The following LRP1B variants were observed in gnomAD, a reference collection of about 807,000 sequenced individuals.
LRP1B encodes the protein low-density lipoprotein receptor-related protein 1B.
Under a neutral mutation model 556.6 loss-of-function variants are expected in LRP1B, and 217 were observed. The ratio of observed to expected loss-of-function variants is 0.39; its 90% CI spans 0.35 to 0.44. The LOEUF is 0.44. LRP1B is among the 20% of genes least tolerant of loss of function. LRP1B has a pLI of 1.00. For synonymous variants in LRP1B, 2,047 were observed against 1,865.8 expected (o/e 1.10, Z -2.50); for missense variants, 5,053 against 5,620.8 (o/e 0.90, Z 3.23).
chr2:141,608,812 T>C (rs1688009749), intron 2 of LRP1B, among the ~76,000 whole-genome samples: 1 of 152,218 alleles, frequency 6.6e-6, no homozygotes, highest in Admixed American at 6.5e-5. Context: ...ATGCTTCAGT[T>C]GATTTTGCTA....
intron 7 of LRP1B, among the ~76,000 whole-genome samples, chr2:141,065,133 T>G (rs1403381363): frequency 6.6e-6 from 1 of 151,918 alleles, no homozygotes; most frequent in East Asian, 1.9e-4. Flanking sequence ...TTTTTAAGAA[T>G]AGTAGAATGG....
Position 140,886,121 on chromosome 2 carries a change from A to T in LRP1B, c.3964+17T>A. The T allele has an allele frequency of 6.8e-7, 1 of 1,467,484 alleles. No individual in the cohort carries two copies. The highest frequency in any genetic ancestry group is 9.2e-7 in the Non-Finnish European group (1 of 1,084,512). The allele number at this position is 1,467,484 out of a possible 1,614,324, so 90.9% of individuals were successfully genotyped here. On this transcript the variant is annotated intron_variant, in intron 24 of 90. Coordinates refer to ENST00000389484, the MANE Select transcript of LRP1B (RefSeq NM_018557.3). ...AAAAAGTAATCTAAACATTAAGAAA[A>T]ATTATAATATATGTACCTCCACTTT...
At chr2:140,674,031 C>T (rs963496428) in intron 41 of LRP1B, among the ~76,000 whole-genome samples, 3 of 151,634 alleles carry the variant, frequency 2.0e-5, no homozygotes, top group Non-Finnish European at 4.4e-5. Context: ...TCACTGCAAC[C>T]TCTGCCTCCT....
At chr2:142,015,311 C>T (rs551619610) in intron 1 of LRP1B, among the ~76,000 whole-genome samples, 1 of 152,096 alleles carries the variant, frequency 6.6e-6, no homozygotes, top group Admixed American at 6.5e-5. Flanking sequence ...GGGAAATTGG[C>T]TAGCGATATG....
rs751850739 is a variant in LRP1B, at chr2:140,370,794, T to C, written c.10924A>G (p.Lys3642Glu). The C allele has an allele frequency of 1.2e-6, 2 of 1,612,862 alleles. No homozygotes were observed. Among genetic ancestry groups the C allele is most frequent in the Admixed American group, 3.3e-5 (2 of 59,884 alleles). ...CATCTAATTGGAATACAGTGGGCTT[T>C]ATTTTTGCACCGAAACTGATCTTCC... ...CKEDQFRCKN[K>E]AHCIPIRWLC... The change falls in exon 71 of 91, where the codon AAA becomes GAA. Residue 3642 changes from lysine (K) to glutamate (E), a missense_variant. Transcript: ENST00000389484.
At chr2:140,885,130 C>G (rs1388418206) in intron 24 of LRP1B, among the ~76,000 whole-genome samples, 1 of 152,132 alleles carries the variant, frequency 6.6e-6, no homozygotes, top group East Asian at 1.9e-4. Context: ...TATGAAGTAG[C>G]TAACCAATTA....
intron 7 of LRP1B, among the ~76,000 whole-genome samples, chr2:141,085,194 GACAA>G (rs1189946834): frequency 6.6e-6 from 1 of 152,014 alleles, no homozygotes; most frequent in Admixed American, 6.6e-5. Flanking sequence ...CACATATATA[GACAA>G]ACATTTTTTT....
chr2:140,416,292 C>A (rs545428530), intron 66 of LRP1B, among the ~76,000 whole-genome samples: 1 of 152,114 alleles, frequency 6.6e-6, no homozygotes, highest in Non-Finnish European at 1.5e-5. Context: ...GATACTAGAG[C>A]TGATGAGTGG....
At chr2:141,049,868 C>T (rs947991186) in intron 10 of LRP1B, among the ~76,000 whole-genome samples, 1 of 151,960 alleles carries the variant, frequency 6.6e-6, no homozygotes, top group Non-Finnish European at 1.5e-5. Flanking sequence ...CAACACAGGC[C>T]TTATCAAAAA....
At chr2:141,970,250 T>C (rs866589653) in intron 1 of LRP1B, among the ~76,000 whole-genome samples, 1 of 151,664 alleles carries the variant, frequency 6.6e-6, no homozygotes, top group Non-Finnish European at 1.5e-5. Flanking sequence ...TCTGTTATTG[T>C]TGACATTTTA....
intron 2 of LRP1B, among the ~76,000 whole-genome samples, chr2:141,622,154 G>A (rs1308588356): frequency 6.6e-6 from 1 of 152,168 alleles, no homozygotes; most frequent in African/African-American, 2.4e-5. Flanking sequence ...GCCTCCCAAA[G>A]TACTGGGATT....
intron 37 of LRP1B, among the ~76,000 whole-genome samples, chr2:140,713,325 A>AT (rs35704146): frequency 0.47 from 69,946 of 147,362 alleles, 17,220 homozygotes; most frequent in Middle Eastern, 0.57. Flanking sequence ...AAGGTATAGA[A>AT]TTTTTTTTTT....
At chr2:140,396,058 A>G (rs1452170711) in intron 66 of LRP1B, among the ~76,000 whole-genome samples, 1 of 152,166 alleles carries the variant, frequency 6.6e-6, no homozygotes, top group East Asian at 1.9e-4. Context: ...GACAAATTGT[A>G]CAGTAATGTT....
chr2:141,896,861 T>C (rs1488025512), intron 1 of LRP1B, among the ~76,000 whole-genome samples: 1 of 152,180 alleles, frequency 6.6e-6, no homozygotes, highest in Non-Finnish European at 1.5e-5. Context: ...TTGCCCCACA[T>C]TGGTATCTCA....
At chr2:140,626,172 C>A (rs984540150) in intron 41 of LRP1B, among the ~76,000 whole-genome samples, 1 of 152,066 alleles carries the variant, frequency 6.6e-6, no homozygotes, top group Admixed American at 6.6e-5. Flanking sequence ...TATGGCAAAC[C>A]TATGGAGGAA....
intron 2 of LRP1B, among the ~76,000 whole-genome samples, chr2:141,558,166 C>T (rs10165850): frequency 0.97 from 147,730 of 151,882 alleles, 71,977 homozygotes; most frequent in East Asian, 1. Context: ...TTCTATTAGG[C>T]ACTTAGTCTT....
In LRP1B at chr2:140,842,175, CT is replaced by C. The variant is rs369703325; in HGVS notation, c.4940-1084del. On this transcript the variant is annotated intron_variant, in intron 29 of 90. Coordinates refer to ENST00000389484, the MANE Select transcript of LRP1B (RefSeq NM_018557.3). ...AATTGCTATAACTTCCCTTTTTATT[CT>C]TTTCAAAAGAAGCCAGAAAGCTAGA... Among the ~76,000 whole-genome samples, 702 of 152,240 alleles carry C rather than the reference CT, an allele frequency of 4.6e-3. 8 individuals are homozygous for C. Among genetic ancestry groups the C allele is most frequent in the African/African-American group, 0.016 (664 of 41,562 alleles).
At chr2:141,778,271 T>G (rs1206078314) in intron 2 of LRP1B, among the ~76,000 whole-genome samples, 1 of 152,228 alleles carries the variant, frequency 6.6e-6, no homozygotes, top group Non-Finnish European at 1.5e-5. Flanking sequence ...TTAGATTAAA[T>G]GTGATTCCTG....
At chr2:141,696,061 T>C (rs1030181844) in intron 2 of LRP1B, among the ~76,000 whole-genome samples, 3 of 152,000 alleles carry the variant, frequency 2.0e-5, no homozygotes, top group Non-Finnish European at 4.4e-5. Flanking sequence ...TTTAATGTAA[T>C]CTGTTTTCCT....
Sources: allele counts gnomAD v4.1 joint callset (sites outside exome capture counted in the v4.1 genomes callset), GRCh38; gene constraint gnomAD v4.1.1; transcripts MANE v1.5; gene names NCBI Gene and HGNC (gene_info 2026-07-23, HGNC 2026-07-21).